PLA2G4F: variants seen among roughly 807,000 people sequenced by gnomAD.
The protein encoded by PLA2G4F is phospholipase A2 group IVF.
PLA2G4F carries 105 observed loss-of-function variants against 103.1 expected under a neutral mutation model. The observed-to-expected ratio is 1.02, with a 90% CI of 0.87 to 1.20. The LOEUF (loss-of-function observed/expected upper bound fraction) is 1.20. Among genes scored for constraint, PLA2G4F ranks in the 50% most tolerant of loss-of-function variants. The probability of loss-of-function intolerance (pLI) is 0.00; values close to 1 mark genes in which losing one functional copy is unlikely to be tolerated. For missense variants in PLA2G4F, 1,155 were observed against 1,075.9 expected (o/e 1.07, Z -1.03); for synonymous variants, 468 against 441.1 (o/e 1.06, Z -0.76).
chr15:42,142,768 C>T (rs2048838890), intron 18 of PLA2G4F, 54 bp from the exon 19 acceptor site: 1 of 1,578,566 alleles, frequency 6.3e-7, no homozygotes, highest in Non-Finnish European at 8.7e-7. Context: ...GCCACTCCCG[C>T]CGCCCTGGAC....
At chr15:42,147,395 G>A (rs765099617) in intron 12 of PLA2G4F, 49 bp from the exon 13 acceptor site, 22 of 1,538,828 alleles carry the variant, frequency 1.4e-5, no homozygotes, top group Admixed American at 8.4e-5. Context: ...GCACAGCCAC[G>A]GGAGAGAGGG....
rs2048826486 is a variant in PLA2G4F at position 42,141,516 on chromosome 15, G to A, written c.*468C>T. The A allele has an allele frequency of 2.2e-6, 1 of 446,378 alleles. No homozygotes were observed. Among genetic ancestry groups the A allele is most frequent in the African/African-American group, 2.0e-5 (1 of 49,668 alleles). 27.7% of individuals were successfully genotyped at this position (446,378 alleles called of 1,614,324 possible). On this transcript the variant is annotated 3_prime_UTR_variant, in exon 20 of 20. Coordinates refer to ENST00000397272, the MANE Select transcript of PLA2G4F (RefSeq NM_213600.4). ...AGCAGTGCATCCAGGAGCTCGAGGT[G>A]GGGTTGGGGCTTGGGCCGCTCTGCA...
At chr15:42,153,191 G>C (rs372900178) in intron 6 of PLA2G4F, 109 bp downstream of exon 6, 19 of 1,285,712 alleles carry the variant, frequency 1.5e-5, no homozygotes, top group East Asian at 4.7e-5. Flanking sequence ...TCTCCCCTCC[G>C]AGGAGGGCTT....
chr15:42,152,631 A>G, intron 7 of PLA2G4F, 57 bp downstream of exon 7: 11 of 1,523,784 alleles, frequency 7.2e-6, no homozygotes, highest in Non-Finnish European at 9.8e-6. Context: ...CCTTGACATC[A>G]GTAGTTCCAA....
chr15:42,150,067 C>T, intron 10 of PLA2G4F, 37 bp downstream of exon 10: 1 of 1,613,956 alleles, frequency 6.2e-7, no homozygotes, highest in Non-Finnish European at 8.5e-7. Flanking sequence ...ACTTCTAGCC[C>T]AGCCCCAAGA....
Position 42,142,580 on chromosome 15 carries a change from A to G in PLA2G4F, c.2277T>C (p.Ile759=). ...GGTTAACCAGGGGGAAGTGCAGCAC[A>G]ATGGGGGAGCGGGGGTCCTCAGCCT... ...FAKAEDPRSP[I]VLHFPLVNRT... Residue 759 remains isoleucine (I), a synonymous_variant, in exon 19 of 20, where the codon ATT becomes ATC. Transcript: ENST00000397272. 1 of 1,614,032 alleles carries G rather than the reference A, an allele frequency of 6.2e-7. No individual in the cohort carries two copies. The highest frequency in any genetic ancestry group is 8.5e-7 in the Non-Finnish European group (1 of 1,179,984).
intron 2 of PLA2G4F, 123 bp from the exon 3 acceptor site, chr15:42,154,581 GT>G: frequency 8.7e-7 from 1 of 1,146,816 alleles, no homozygotes; most frequent in Non-Finnish European, 1.2e-6. Flanking sequence ...ACGTGGCATG[GT>G]GGGGTGAGGA....
chr15:42,149,055 G>GTC, intron 11 of PLA2G4F: 1 of 985,342 alleles, frequency 1.0e-6, no homozygotes, highest in South Asian at 4.7e-5. Flanking sequence ...CTCTCAGCAC[G>GTC]CCTTTCCTCC....
At position 42,141,907 on chromosome 15, in the gene PLA2G4F, A is replaced by G; in HGVS notation, c.*77T>C. 7.1e-7 allele frequency: 1 copy of G among 1,417,836 alleles called. No homozygotes were observed. Among genetic ancestry groups the G allele is most frequent in the Non-Finnish European group, 9.7e-7 (1 of 1,027,166 alleles). 87.8% of individuals were successfully genotyped at this position (1,417,836 alleles called of 1,614,324 possible). A position where few individuals can be genotyped will look rare whatever the true frequency, so the allele number is the denominator to read the frequency against. On this transcript the variant is annotated 3_prime_UTR_variant, in exon 20 of 20. Coordinates refer to ENST00000397272, the MANE Select transcript of PLA2G4F (RefSeq NM_213600.4). ...GAAGCAGATCCTGCACAGAGTCCCCATCGCTCCTCCCTCTACAAGCCCTGA... is the reference window on the plus strand; with the variant it reads ...GAAGCAGATCCTGCACAGAGTCCCCGTCGCTCCTCCCTCTACAAGCCCTGA...
In PLA2G4F at chr15:42,146,222, G is replaced by C. The variant is rs1380129598; in HGVS notation, c.1439C>G (p.Ser480Cys). 4.3e-6 allele frequency: 7 copies of C among 1,614,248 alleles called. No individual in the cohort carries two copies. The East Asian group carries it at 1.3e-4, about 31-fold the overall frequency. The change falls in exon 14 of 20, where the codon TCT (serine) becomes TGT (cysteine). Residue 480 changes from serine (S) to cysteine (C), a missense_variant. Physicochemically the swap from Ser to Cys is moderately radical, Grantham distance 112. Coordinates refer to ENST00000397272, the MANE Select transcript of PLA2G4F (RefSeq NM_213600.4). ...CTGGCGGACCGCCTCCTGTTGGTCA[G>C]ACAGCTTGGCAGGGTTCTCCTGGGC... ...LYQEENPAKL[S>C]DQQEAVRQGQ... is the part of the protein sequence containing the mutation.
Position 42,149,767 on chromosome 15 carries a change from C to T in PLA2G4F, c.1005G>A (p.Val335=). 6.2e-7 allele frequency: 1 copy of T among 1,614,228 alleles called. No individual in the cohort carries two copies. The highest frequency in any genetic ancestry group is 8.5e-7 in the Non-Finnish European group (1 of 1,180,044). Reference sequence around the variant, plus strand: ...CCAGCACTTGCTGCAGGGCCTTGGACACGACCTGCTTCCTCCTGTCCAGAA... The same window carrying T: ...CCAGCACTTGCTGCAGGGCCTTGGATACGACCTGCTTCCTCCTGTCCAGAA... ...QEFLDRRKQV[V]SKALQQVLGL... The change falls in exon 11 of 20, where the codon GTG becomes GTA. Residue 335 remains valine (V), a synonymous_variant. Coordinates refer to ENST00000397272, the MANE Select transcript of PLA2G4F (RefSeq NM_213600.4).
At chr15:42,153,972 G>C in intron 4 of PLA2G4F, 120 bp downstream of exon 4, 1 of 1,461,372 alleles carries the variant, frequency 6.8e-7, no homozygotes, top group South Asian at 1.3e-5. Context: ...CAGGGCTGCG[G>C]GGTGGAGGAA....
At chr15:42,151,303 G>C (rs2048959576) in intron 7 of PLA2G4F, 1 of 985,238 alleles carries the variant, frequency 1.0e-6, no homozygotes. Flanking sequence ...TGGGTACAGA[G>C]AGATGCACGT....
Position 42,141,552 on chromosome 15 carries a change from A to G in PLA2G4F, c.*432T>C, listed in dbSNP as rs969107746. ...TTGGGCCGCTCTGCAGGAAGTGTGG[A>G]TGGATGCATCTCTGCTTTCCATCTC... On this transcript the variant is annotated 3_prime_UTR_variant, in exon 20 of 20. Coordinates refer to ENST00000397272, the MANE Select transcript of PLA2G4F (RefSeq NM_213600.4). 2 of 455,972 alleles carry G rather than the reference A, an allele frequency of 4.4e-6. No homozygotes were observed. The highest frequency in any genetic ancestry group is 4.7e-5 in the Admixed American group (2 of 42,122). 28.2% of individuals were successfully genotyped at this position (455,972 alleles called of 1,614,324 possible). A position where few individuals can be genotyped will look rare whatever the true frequency, so the allele number is the denominator to read the frequency against.
rs74720613 is a variant in PLA2G4F at position 42,140,285 on chromosome 15, G to T, written c.*1699C>A. On this transcript the variant is annotated 3_prime_UTR_variant, in exon 20 of 20. Transcript: ENST00000397272. Reference sequence around the variant, plus strand: ...CAGATGGTAGAATGACTTTCTAGGAGCCAGAGACAGCCTGAGGCTCTAATG... The same window carrying T: ...CAGATGGTAGAATGACTTTCTAGGATCCAGAGACAGCCTGAGGCTCTAATG... 0.031 allele frequency: 4,775 copies of T among 152,352 alleles called. 243 individuals carry two copies. Among genetic ancestry groups the T allele is most frequent in the African/African-American group, 0.11 (4,436 of 41,542 alleles). The allele number at this position is 152,352 out of a possible 1,614,324, so 9.4% of individuals were successfully genotyped here.
chr15:42,146,888 T>C (rs1463148687), intron 13 of PLA2G4F: 2 of 506,790 alleles, frequency 3.9e-6, no homozygotes, highest in East Asian at 3.3e-5. Flanking sequence ...CCGGTGATTC[T>C]AATATGCACC....
chr15:42,145,043 C>T (rs2048867052), intron 16 of PLA2G4F, among the ~76,000 whole-genome samples: 1 of 152,282 alleles, frequency 6.6e-6, no homozygotes, highest in Middle Eastern at 3.4e-3. Context: ...GCACGGCCTA[C>T]TTGTGGGGGA....
At position 42,145,569 on chromosome 15, in the gene PLA2G4F, C is replaced by T. The variant is rs200182926; in HGVS notation, c.1780+6G>A. 2.0e-4 allele frequency: 315 copies of T among 1,613,420 alleles called. No individual in the cohort carries two copies. The highest frequency in any genetic ancestry group is 1.2e-3 in the Middle Eastern group (7 of 6,074). On this transcript the variant is annotated splice_donor_region_variant and intron_variant, in intron 16 of 19. Transcript: ENST00000397272. The stretch of plus-strand genomic sequence containing the variant: ...TGTGGGAGGGGCTCGGGGTCGCTAC[C>T]CTCACCTGTGATATTCACACTGCCT...
rs149896413 is a variant in PLA2G4F, at chr15:42,144,030, C to T, written c.2090G>A (p.Arg697Lys). 3.1e-6 allele frequency: 5 copies of T among 1,614,008 alleles called. No individual in the cohort carries two copies. Among genetic ancestry groups the T allele is most frequent in the Non-Finnish European group, 4.2e-6 (5 of 1,179,980 alleles). Residue 697 changes from arginine (R) to lysine (K), a missense_variant, in exon 18 of 20, where the codon AGA (arginine) becomes AAA (lysine). Around this residue, in one of 3 missense-constraint regions of PLA2G4F, gnomAD observed 782 missense variants for 692.9 expected, o/e 1.13. Coordinates refer to ENST00000397272, the MANE Select transcript of PLA2G4F (RefSeq NM_213600.4). ...SPFPLALLPQ[R>K]AVDLILSFDY... ...AAAGGACAGAATGAGGTCCACTGCT[C>T]TCTGAGGCAGCAGAGCCAGTGGGAA... is the stretch of plus-strand genomic sequence containing the variant.
Sources: allele counts gnomAD v4.1 joint callset (sites outside exome capture counted in the v4.1 genomes callset), GRCh38; gene constraint gnomAD v4.1.1; regional missense constraint gnomAD v4.1.1; transcripts MANE v1.5; gene names NCBI Gene and HGNC (gene_info 2026-07-23, HGNC 2026-07-21).